Variants in CNBD1 observed in about 807,000 individuals in gnomAD.
CNBD1 encodes cyclic nucleotide-binding domain-containing protein 1.
A neutral mutation model predicts 54.4 loss-of-function variants in CNBD1; 71 were observed. The observed-to-expected ratio is 1.30, with a 90% CI of 1.08 to 1.59. CNBD1 has a LOEUF of 1.59. Among genes scored for constraint, CNBD1 ranks in the 40% most tolerant of loss-of-function variants. The pLI is 0.00. For synonymous variants in CNBD1, 182 were observed against 170.7 expected (o/e 1.07, Z -0.51); for missense variants, 659 against 518.0 (o/e 1.27, Z -2.64).
chr8:86,934,520 A>T (rs540150857), intron 3 of CNBD1, among the ~76,000 whole-genome samples: 1 of 152,324 alleles, frequency 6.6e-6, no homozygotes, highest in East Asian at 1.9e-4. Flanking sequence ...GACCTTCACT[A>T]GAATGTTGAA....
chr8:87,264,345 T>C (rs1436025149), intron 6 of CNBD1, among the ~76,000 whole-genome samples: 1 of 152,172 alleles, frequency 6.6e-6, no homozygotes, highest in African/African-American at 2.4e-5. Flanking sequence ...TTTTTATGGC[T>C]GCATAGTATT....
rs1230289012 is a variant in CNBD1, at chr8:86,940,137, T to TTTTCTTTC, written c.431+386_431+387insCTTTCTTT. 4.4e-3 allele frequency among the ~76,000 whole-genome samples: 60 copies of TTTTCTTTC among 13,764 alleles called. 1 individual carries two copies. The African/African-American group carries it at 0.055, about 13-fold the overall frequency. 9.0% of individuals were successfully genotyped at this position (13,764 alleles called of 152,430 possible). A position where few individuals can be genotyped will look rare whatever the true frequency, so the allele number is the denominator to read the frequency against. On this transcript the variant is annotated intron_variant, in intron 4 of 10. Transcript: ENST00000518476. ...AATAAACTTACCACATGTTACTTTT[T>TTTTCTTTC]TTTTTTTTTTTTTTGAGACTGTTGC...
intron 4 of CNBD1, among the ~76,000 whole-genome samples, chr8:87,018,664 A>G (rs1259894762): frequency 6.6e-6 from 1 of 152,116 alleles, no homozygotes; most frequent in Non-Finnish European, 1.5e-5. Context: ...AGATCATGGT[A>G]TTCTAAAGAC....
intron 5 of CNBD1, among the ~76,000 whole-genome samples, chr8:87,219,381 G>A (rs752347745): frequency 5.3e-5 from 8 of 152,016 alleles, no homozygotes; most frequent in African/African-American, 7.2e-5. Flanking sequence ...ACATGTGGAC[G>A]TGATTACACA....
chr8:87,230,944 CAAT>C (rs1312272792), intron 5 of CNBD1, among the ~76,000 whole-genome samples: 1 of 152,114 alleles, frequency 6.6e-6, no homozygotes, highest in East Asian at 1.9e-4. Context: ...CAATAATTAA[CAAT>C]GTCTTTCTTT....
At chr8:86,876,748 A>G (rs1361840309) in intron 1 of CNBD1, among the ~76,000 whole-genome samples, 1 of 151,828 alleles carries the variant, frequency 6.6e-6, no homozygotes, top group Non-Finnish European at 1.5e-5. Context: ...TTTACTTTAT[A>G]TTTTATAGTT....
At chr8:87,384,504 A>T (rs978522412), downstream of CNBD1, among the ~76,000 whole-genome samples, 3 of 152,174 alleles carry the variant, frequency 2.0e-5, no homozygotes, top group Non-Finnish European at 4.4e-5. Flanking sequence ...GAGGGGATCA[A>T]GGCGGATCTC....
chr8:87,192,066 GTC>G (rs1482386283), intron 4 of CNBD1, among the ~76,000 whole-genome samples: 1 of 152,086 alleles, frequency 6.6e-6, no homozygotes, highest in Non-Finnish European at 1.5e-5. Context: ...AGAGGGAAGA[GTC>G]TGTTCTATCA....
intron 5 of CNBD1, among the ~76,000 whole-genome samples, chr8:87,230,923 A>G (rs887379840): frequency 2.0e-5 from 3 of 152,206 alleles, no homozygotes; most frequent in South Asian, 2.1e-4. Flanking sequence ...ATCAAGAACT[A>G]TTATTTTGCT....
chr8:87,410,850 C>A (rs1283425334), intron 2 of CNBD1, among the ~76,000 whole-genome samples: 1 of 152,114 alleles, frequency 6.6e-6, no homozygotes, highest in Non-Finnish European at 1.5e-5. Flanking sequence ...CCTGATAAAT[C>A]TGCAGCTGTT....
chr8:87,116,191 A>G (rs1285204079), intron 4 of CNBD1, among the ~76,000 whole-genome samples: 1 of 109,928 alleles, frequency 9.1e-6, no homozygotes, highest in African/African-American at 3.5e-5. Context: ...TTCTATTCTC[A>G]TGTCTTTTTT....
At chr8:87,217,761 A>T (rs1298425822) in intron 5 of CNBD1, among the ~76,000 whole-genome samples, 1 of 152,052 alleles carries the variant, frequency 6.6e-6, no homozygotes, top group African/African-American at 2.4e-5. Flanking sequence ...ATTATTCTCA[A>T]GATTGACTGG....
chr8:87,188,479 C>A (rs1296941684), intron 4 of CNBD1, among the ~76,000 whole-genome samples: 1 of 152,084 alleles, frequency 6.6e-6, no homozygotes, highest in Non-Finnish European at 1.5e-5. Flanking sequence ...CCAGCAATCC[C>A]AGCACTTTCA....
downstream of CNBD1, among the ~76,000 whole-genome samples, chr8:87,384,632 T>A (rs1811148038): frequency 6.6e-6 from 1 of 152,216 alleles, no homozygotes; most frequent in African/African-American, 2.4e-5. Flanking sequence ...CACCTAACAT[T>A]GTGTCAGACA....
chr8:87,168,570 C>T (rs1193944123), intron 4 of CNBD1, among the ~76,000 whole-genome samples: 3 of 151,900 alleles, frequency 2.0e-5, no homozygotes, highest in African/African-American at 4.8e-5. Flanking sequence ...ACTTCCCCAC[C>T]CCCGACTCCC....
At chr8:87,405,038 T>C (rs1586082205) in intron 2 of CNBD1, among the ~76,000 whole-genome samples, 1 of 152,064 alleles carries the variant, frequency 6.6e-6, no homozygotes, top group African/African-American at 2.4e-5. Flanking sequence ...CTATCTTATA[T>C]ATCAGTACTG....
chr8:87,131,129 T>TAA lies in CNBD1; in HGVS notation c.432-74857_432-74856dup, dbSNP rs35510431. Reference sequence around the variant, plus strand: ...AGTTATGTCTTGCTTTTCCAAATATTAAAAAAAATCTGCATTCCTAATTGG... The same window carrying TAA: ...AGTTATGTCTTGCTTTTCCAAATATTAAAAAAAAAATCTGCATTCCTAATTGG... On this transcript the variant is annotated intron_variant, in intron 4 of 10. Transcript: ENST00000518476. Among the ~76,000 whole-genome samples the TAA allele has an allele frequency of 1.3e-4, 20 of 151,544 alleles. 1 individual carries two copies. The highest frequency in any genetic ancestry group is 1.7e-4 in the African/African-American group (7 of 41,226).
chr8:87,270,009 CA>C (rs1808331343), intron 6 of CNBD1, among the ~76,000 whole-genome samples: 3 of 151,990 alleles, frequency 2.0e-5, no homozygotes, highest in African/African-American at 7.2e-5. Context: ...AGATCCTCAA[CA>C]AAAATACTAG....
intron 1 of CNBD1, among the ~76,000 whole-genome samples, chr8:86,886,212 A>G (rs1377785132): frequency 1.3e-5 from 2 of 152,172 alleles, no homozygotes; most frequent in East Asian, 1.9e-4. Context: ...TAATCTATGT[A>G]TATAAAAATC....
Sources: allele counts gnomAD v4.1 joint callset (sites outside exome capture counted in the v4.1 genomes callset), GRCh38; gene constraint gnomAD v4.1.1; transcripts MANE v1.5; gene names NCBI Gene and HGNC (gene_info 2026-07-23, HGNC 2026-07-21).